Variants in DGKI observed in about 807,000 individuals in gnomAD.
The protein encoded by DGKI is diacylglycerol kinase iota, also known as DAG kinase iota.
In DGKI, 55 loss-of-function variants were observed where a neutral mutation model predicts 147.5. The observed-to-expected ratio is 0.37, with a 90% CI of 0.30 to 0.47. DGKI has a LOEUF of 0.47. DGKI is among the 20% of genes least tolerant of loss of function. DGKI has a pLI of 1.00. For synonymous variants in DGKI, 469 were observed against 477.1 expected (o/e 0.98, Z 0.22); for missense variants, 1,007 against 1,323.8 (o/e 0.76, Z 3.71).
intron 8 of DGKI, among the ~76,000 whole-genome samples, chr7:137,619,530 A>G (rs1820667868): frequency 6.6e-6 from 1 of 152,210 alleles, no homozygotes; most frequent in Admixed American, 6.5e-5. Flanking sequence ...CTAGTACTCA[A>G]TGAAACTTGG....
At chr7:137,550,401 C>A (rs1458005645) in intron 20 of DGKI, among the ~76,000 whole-genome samples, 1 of 152,092 alleles carries the variant, frequency 6.6e-6, no homozygotes, top group African/African-American at 2.4e-5. Flanking sequence ...GTCTTGAACT[C>A]CTGGTCTCAA....
intron 1 of DGKI, among the ~76,000 whole-genome samples, chr7:137,796,671 T>C (rs1310882712): frequency 2.6e-5 from 4 of 151,822 alleles, no homozygotes; most frequent in Admixed American, 2.6e-4. Flanking sequence ...ATAACGTAAA[T>C]GAAAAATTCA....
chr7:137,743,405 A>T (rs1243998193), intron 1 of DGKI, among the ~76,000 whole-genome samples: 1 of 152,228 alleles, frequency 6.6e-6, no homozygotes, highest in African/African-American at 2.4e-5. Flanking sequence ...ATCAATTTTT[A>T]AAAAGTAGAA....
In DGKI at chr7:137,765,688, T is replaced by C. The variant is rs573057421; in HGVS notation, c.402-75686A>G. Among the ~76,000 whole-genome samples the C allele has an allele frequency of 2.0e-3, 306 of 152,318 alleles. 1 individual carries two copies. The highest frequency in any genetic ancestry group is 6.9e-3 in the African/African-American group (285 of 41,556). ...TGATAAGTCAACATGAGAGTCTTCA[T>C]AGAGATGATGCAGCTGAATCCCACG... On this transcript the variant is annotated intron_variant, in intron 1 of 32. Transcript: ENST00000614521.
At chr7:137,496,739 C>T (rs953052075) in intron 21 of DGKI, among the ~76,000 whole-genome samples, 2 of 152,050 alleles carry the variant, frequency 1.3e-5, no homozygotes, top group African/African-American at 4.8e-5. Flanking sequence ...GAATAACCGA[C>T]TAGTCATATG....
intron 1 of DGKI, among the ~76,000 whole-genome samples, chr7:137,733,167 CATCT>C (rs2116672020): frequency 6.6e-6 from 1 of 152,050 alleles, no homozygotes; most frequent in Non-Finnish European, 1.5e-5. Flanking sequence ...GTTGTGGAAC[CATCT>C]ACCACCAACC....
At chr7:137,739,533 G>A (rs542502681) in intron 1 of DGKI, among the ~76,000 whole-genome samples, 1 of 152,218 alleles carries the variant, frequency 6.6e-6, no homozygotes, top group East Asian at 1.9e-4. Flanking sequence ...GGGACCTCAT[G>A]CAGGGCCTCT....
rs561362574 is a variant in DGKI at position 137,496,900 on chromosome 7, T to C, written c.2249-9211A>G. On this transcript the variant is annotated intron_variant, in intron 21 of 32. Coordinates refer to ENST00000614521, the MANE Select transcript of DGKI (RefSeq NM_001321708.2). ...GACATAAGACTTGGCAAAGTTTTCA[T>C]GACAAAGATACCAAATGCCATTGCA... Among the ~76,000 whole-genome samples the C allele has an allele frequency of 9.9e-5, 15 of 152,226 alleles. No homozygotes were observed. The South Asian group carries it at 2.3e-3, about 23-fold the overall frequency.
chr7:137,762,297 C>G (rs1456282928), intron 1 of DGKI, among the ~76,000 whole-genome samples: 1 of 152,154 alleles, frequency 6.6e-6, no homozygotes, highest in African/African-American at 2.4e-5. Flanking sequence ...AAGAAAGTGG[C>G]CTGAGAACAT....
chr7:137,393,199 TATA>T (rs983840815), intron 32 of DGKI, among the ~76,000 whole-genome samples: 2 of 146,478 alleles, frequency 1.4e-5, no homozygotes, highest in Non-Finnish European at 3.0e-5. Context: ...GTGAGGGGTT[TATA>T]ATTATAAAAA....
At chr7:137,669,415 G>A (rs1287536189) in intron 3 of DGKI, among the ~76,000 whole-genome samples, 1 of 152,186 alleles carries the variant, frequency 6.6e-6, no homozygotes, top group Non-Finnish European at 1.5e-5. Context: ...AGTACTGTGG[G>A]TCCCTGCCCC....
In DGKI at chr7:137,789,453, TATAAG is replaced by T. The variant is rs376293134; in HGVS notation, c.401+57004_401+57008del. 3.8e-3 allele frequency among the ~76,000 whole-genome samples: 582 copies of T among 152,188 alleles called. 3 individuals carry two copies. Among genetic ancestry groups the T allele is most frequent in the African/African-American group, 0.013 (521 of 41,544 alleles). ...TAACCAACCTCAGCCCTTCCCCTAATATAAGATAAGATTTAGCAAAAGAAATAAAT... is the reference window on the plus strand; with the variant it reads ...TAACCAACCTCAGCCCTTCCCCTAATATAAGATTTAGCAAAAGAAATAAAT... On this transcript the variant is annotated intron_variant, in intron 1 of 32. Coordinates refer to ENST00000614521, the MANE Select transcript of DGKI (RefSeq NM_001321708.2).
chr7:137,631,095 C>T (rs1199499932), intron 6 of DGKI, among the ~76,000 whole-genome samples: 1 of 152,190 alleles, frequency 6.6e-6, no homozygotes, highest in East Asian at 1.9e-4. Context: ...AACATATAAT[C>T]TTGCCGATGG....
chr7:137,805,150 C>T (rs1397365981), intron 1 of DGKI, among the ~76,000 whole-genome samples: 1 of 152,116 alleles, frequency 6.6e-6, no homozygotes, highest in Non-Finnish European at 1.5e-5. Context: ...CTCTGTATGC[C>T]TTCTCCCTCG....
At chr7:137,581,709 C>A in intron 15 of DGKI, 141 bp downstream of exon 15, 3 of 679,272 alleles carry the variant, frequency 4.4e-6, no homozygotes, top group Admixed American at 2.7e-5. Context: ...TGTCTAGCTC[C>A]CAGAGTCATC....
At chr7:137,679,100 A>T (rs1349098654) in intron 2 of DGKI, among the ~76,000 whole-genome samples, 3 of 152,216 alleles carry the variant, frequency 2.0e-5, no homozygotes, top group Non-Finnish European at 4.4e-5. Context: ...ATTTTAAGTA[A>T]AGACAGTTTG....
intron 1 of DGKI, among the ~76,000 whole-genome samples, chr7:137,695,778 C>T (rs1823760530): frequency 6.6e-6 from 1 of 152,164 alleles, no homozygotes; most frequent in Admixed American, 6.5e-5. Flanking sequence ...TTATAAATTT[C>T]CTGTCTCTAG....
chr7:137,689,609 C>T (rs954035470), intron 2 of DGKI, among the ~76,000 whole-genome samples: 12 of 152,164 alleles, frequency 7.9e-5, no homozygotes, highest in African/African-American at 2.9e-4. Flanking sequence ...TTGGCAGAAA[C>T]CAATAAAGAC....
chr7:137,625,485 T>C (rs553303558), intron 6 of DGKI, among the ~76,000 whole-genome samples: 2 of 150,266 alleles, frequency 1.3e-5, no homozygotes, highest in Non-Finnish European at 3.0e-5. Context: ...ATAAAAAATT[T>C]AAAAAAAAAT....
Sources: allele counts gnomAD v4.1 joint callset (sites outside exome capture counted in the v4.1 genomes callset), GRCh38; gene constraint gnomAD v4.1.1; transcripts MANE v1.5; gene names NCBI Gene and HGNC (gene_info 2026-07-23, HGNC 2026-07-21).